The following PRDM15 variants were observed in gnomAD, a reference collection of about 807,000 sequenced individuals.
PRDM15 encodes the protein PR/SET domain 15, also known as PR domain zinc finger protein 15.
A neutral mutation model predicts 128.6 loss-of-function variants in PRDM15; 64 were observed. That is an observed-to-expected ratio of 0.50 (90% CI 0.41 to 0.61). PRDM15 has a LOEUF of 0.61. Among genes scored for constraint, PRDM15 ranks in the 20% least tolerant of loss-of-function variants. The pLI, the probability that PRDM15 is intolerant of heterozygous loss-of-function variation, is 0.00. For missense variants in PRDM15, 1,242 were observed against 1,569.1 expected, an observed-to-expected ratio of 0.79 and a Z score of 3.52; for synonymous variants, 615 against 621.8, an observed-to-expected ratio of 0.99 and a Z score of 0.16.
chr21:41,806,533 AT>A (rs1214629149), intron 21 of PRDM15, among the ~76,000 whole-genome samples: 5 of 54,394 alleles, frequency 9.2e-5, no homozygotes, highest in Non-Finnish European at 1.4e-4. Flanking sequence ...CACCACCACC[AT>A]CACTACCACC....
Position 41,839,520 on chromosome 21 carries a change from C to T in PRDM15, c.871+103G>A, listed in dbSNP as rs2063002438. 34 of 902,576 alleles carry T rather than the reference C, an allele frequency of 3.8e-5. 1 individual carries two copies. The South Asian group carries it at 5.1e-4, about 13-fold the overall frequency. The allele number at this position is 902,576 out of a possible 1,614,324, so 55.9% of individuals were successfully genotyped here. ...CTACCTTCCACGAGGCCTTTCTACA[C>T]TGAGTTTTCCCGCCCCGCCCTCTGC... On this transcript the variant is annotated intron_variant, in intron 7 of 23. Coordinates refer to ENST00000398548, the MANE Select transcript of PRDM15 (RefSeq NM_001040424.3).
At chr21:41,825,202 G>A (rs28371995) in intron 13 of PRDM15, among the ~76,000 whole-genome samples, 93,096 of 152,204 alleles carry the variant, frequency 0.61, 28,707 homozygotes, top group Admixed American at 0.67. Context: ...GCTAAGTAAC[G>A]AAGAAGTGAT....
rs1305168417 is a variant in PRDM15, at chr21:41,828,509, C to T, written c.1367-176G>A. Among the ~76,000 whole-genome samples the T allele has an allele frequency of 6.6e-6, 1 of 151,948 alleles. No homozygotes were observed. The highest frequency in any genetic ancestry group is 2.4e-5 in the African/African-American group (1 of 41,324). On this transcript the variant is annotated intron_variant, in intron 11 of 23. Transcript: ENST00000398548. The surrounding 1 kb of genome is among the most constrained non-coding windows in gnomAD (Gnocchi z 5.7). ...TCATACACTGTCTACCCCAGGAACT[C>T]ACGATGCAGAGACGGGAACCCCGGT...
chr21:41,841,830 C>T (rs1157261153), intron 6 of PRDM15, among the ~76,000 whole-genome samples: 1 of 152,160 alleles, frequency 6.6e-6, no homozygotes, highest in African/African-American at 2.4e-5. Flanking sequence ...GTATTAAAAG[C>T]TCCCACTACA....
intron 18 of PRDM15, 102 bp downstream of exon 18, chr21:41,819,480 C>CCCCGG: frequency 8.8e-7 from 1 of 1,131,590 alleles, no homozygotes; most frequent in Non-Finnish European, 1.2e-6. Flanking sequence ...CCGCCACACC[C>CCCCGG]ACCTTCCCCA....
At chr21:41,816,097 C>T (rs773685608) in intron 18 of PRDM15, among the ~76,000 whole-genome samples, 16 of 152,264 alleles carry the variant, frequency 1.1e-4, no homozygotes, top group South Asian at 2.1e-4. Flanking sequence ...ACGCGAGCAA[C>T]GCCGGGGCGG....
chr21:41,807,810 C>T (rs1316369497), intron 21 of PRDM15, among the ~76,000 whole-genome samples: 2 of 152,154 alleles, frequency 1.3e-5, no homozygotes, highest in Non-Finnish European at 1.5e-5. Context: ...AGAACAAAGA[C>T]GGACAAAATC....
intron 1 of PRDM15, among the ~76,000 whole-genome samples, chr21:41,866,940 C>T (rs113092074): frequency 0.097 from 14,721 of 152,180 alleles, 939 homozygotes; most frequent in Non-Finnish European, 0.15. Flanking sequence ...CTACTCACTC[C>T]CTTCTCAGTA....
intron 14 of PRDM15, among the ~76,000 whole-genome samples, chr21:41,822,786 G>C (rs1365075709): frequency 6.6e-6 from 1 of 152,206 alleles, no homozygotes; most frequent in Non-Finnish European, 1.5e-5. Flanking sequence ...TGTAATCGCA[G>C]CACTTTGGGA....
intron 6 of PRDM15, among the ~76,000 whole-genome samples, chr21:41,840,717 A>G (rs1456616847): frequency 1.3e-5 from 2 of 152,174 alleles, no homozygotes; most frequent in Non-Finnish European, 2.9e-5. Context: ...GAATTCCTAG[A>G]TAATAACACA....
chr21:41,805,170 C>T (rs2061524064), intron 21 of PRDM15, among the ~76,000 whole-genome samples: 1 of 152,206 alleles, frequency 6.6e-6, no homozygotes, highest in African/African-American at 2.4e-5. Context: ...CAGGGGCCCT[C>T]CCACCAGCTC....
intron 1 of PRDM15, among the ~76,000 whole-genome samples, chr21:41,875,600 T>C (rs2064384749): frequency 6.6e-6 from 1 of 152,238 alleles, no homozygotes; most frequent in Admixed American, 6.5e-5. Flanking sequence ...TGGCCATCTA[T>C]TTACAACGCA....
intron 12 of PRDM15, 69 bp from the exon 13 acceptor site, chr21:41,826,123 A>T: frequency 7.7e-7 from 1 of 1,304,716 alleles, no homozygotes. Context: ...ATCAGATTCC[A>T]CTTCAGCCAG....
At chr21:41,804,454 T>C in intron 22 of PRDM15, 80 bp downstream of exon 22, 3 of 1,149,314 alleles carry the variant, frequency 2.6e-6, no homozygotes, top group Non-Finnish European at 3.8e-6. Context: ...CCTCCCGGCC[T>C]GTCCAAGCCC....
rs545106687 is a variant in PRDM15, at chr21:41,817,372, G to C, written c.2261-1536C>G. Among the ~76,000 whole-genome samples, 3 of 152,268 alleles carry C rather than the reference G, an allele frequency of 2.0e-5. No individual in the cohort carries two copies. The East Asian group carries it at 5.8e-4, about 29-fold the overall frequency. On this transcript the variant is annotated intron_variant, in intron 18 of 23. Transcript: ENST00000398548. ...AGGCCCATGATGTGATTCTGAACAA[G>C]ACGTTTTCCTCCACACACACAGAAA... is the stretch of plus-strand genomic sequence containing the variant.
intron 1 of PRDM15, 100 bp from the exon 2 acceptor site, chr21:41,860,472 G>C: frequency 1.0e-6 from 1 of 985,260 alleles, no homozygotes; most frequent in Non-Finnish European, 1.6e-6. Context: ...AGGATAGATA[G>C]AGTACAGTGG....
At chr21:41,855,639 G>A (rs1389938247) in intron 4 of PRDM15, among the ~76,000 whole-genome samples, 1 of 152,174 alleles carries the variant, frequency 6.6e-6, no homozygotes, top group African/African-American at 2.4e-5. Flanking sequence ...GGGCACAGAG[G>A]AGCTGAACGC....
At chr21:41,877,418 A>G (rs763781255) in intron 1 of PRDM15, 1 of 152,342 alleles carries the variant, frequency 6.6e-6, no homozygotes, top group East Asian at 1.9e-4. Context: ...GAATGCATGA[A>G]TGGCCGAATG....
chr21:41,818,572 A>AC (rs1223391038), intron 18 of PRDM15, among the ~76,000 whole-genome samples: 1 of 151,566 alleles, frequency 6.6e-6, no homozygotes, highest in African/African-American at 2.4e-5. Flanking sequence ...GAAAGGAAAG[A>AC]CCCCCTTTCT....
Sources: gnomAD v4.1 joint callset for allele counts (sites outside exome capture counted in the v4.1 genomes callset) on GRCh38, gnomAD v4.1.1 for gene constraint, Gnocchi (gnomAD v3.1) non-coding constraint, MANE v1.5 for transcripts, NCBI Gene and HGNC (gene_info 2026-07-23, HGNC 2026-07-21) for gene names.